Variants in LHPP observed in about 807,000 individuals in gnomAD.
LHPP encodes phospholysine phosphohistidine inorganic pyrophosphate phosphatase, also known as hLHPP.
A neutral mutation model predicts 30.3 loss-of-function variants in LHPP; 24 were observed. The observed-to-expected ratio is 0.79, with a 90% CI of 0.57 to 1.11. The LOEUF (loss-of-function observed/expected upper bound fraction) is 1.11. LHPP is among the 50% of genes most tolerant of loss of function. LHPP has a pLI of 0.00. For missense variants in LHPP, 356 were observed against 367.2 expected (o/e 0.97, Z 0.25); for synonymous variants, 150 against 157.1 (o/e 0.95, Z 0.34).
chr10:124,481,300 T>C (rs1445104257), intron 1 of LHPP, among the ~76,000 whole-genome samples: 1 of 151,640 alleles, frequency 6.6e-6, no homozygotes, highest in Non-Finnish European at 1.5e-5. Context: ...TTGTAGTAGC[T>C]GTCACTACCA....
chr10:124,511,052 C>G (rs558939191), intron 5 of LHPP, among the ~76,000 whole-genome samples: 1 of 152,158 alleles, frequency 6.6e-6, no homozygotes, highest in Non-Finnish European at 1.5e-5. Context: ...TTGATAGACT[C>G]GAAAACCTCA....
At chr10:124,584,500 T>G (rs1366354375) in intron 6 of LHPP, among the ~76,000 whole-genome samples, 1 of 152,124 alleles carries the variant, frequency 6.6e-6, no homozygotes, top group Admixed American at 6.6e-5. Flanking sequence ...GCCTCTTGGT[T>G]TGTCCTCACG....
rs1167965592 is a variant in LHPP, at chr10:124,471,601, T to TTA, written c.125+9622_125+9623dup. On this transcript the variant is annotated intron_variant, in intron 1 of 6. Transcript: ENST00000368842. ...TTATATTTATATATTTTTTATATAT[T>TTA]TATATATATTACATATATTTTTATA... is the stretch of plus-strand genomic sequence containing the variant. Among the ~76,000 whole-genome samples, 11 of 60,702 alleles carry TTA rather than the reference T, an allele frequency of 1.8e-4. 1 individual carries two copies. The highest frequency in any genetic ancestry group is 6.9e-4 in the African/African-American group (11 of 15,876). The allele number at this position is 60,702 out of a possible 152,430, so 39.8% of individuals were successfully genotyped here.
rs12219151 is a variant in LHPP, at chr10:124,523,666, G to T, written c.716+6395G>T. On this transcript the variant is annotated intron_variant, in intron 6 of 6. Coordinates refer to ENST00000368842, the MANE Select transcript of LHPP (RefSeq NM_022126.4). This position sits in a 1 kb window ranked among gnomAD's most constrained non-coding sequence, Gnocchi z 4.2. ...GCTAGCAAGCAGGGGGGTCCAGGCTGTGGTGGCCCTGGTCAGCCTTCCAGG... is the reference window on the plus strand; with the variant it reads ...GCTAGCAAGCAGGGGGGTCCAGGCTTTGGTGGCCCTGGTCAGCCTTCCAGG... Among the ~76,000 whole-genome samples the T allele has an allele frequency of 0.16, 24,495 of 152,196 alleles. 2,777 individuals carry two copies. Among genetic ancestry groups the T allele is most frequent in the South Asian group, 0.32 (1,536 of 4,820 alleles).
At chr10:124,599,117 ATCCATCCATCCATG>A (rs1948990203) in intron 6 of LHPP, among the ~76,000 whole-genome samples, 1 of 149,922 alleles carries the variant, frequency 6.7e-6, no homozygotes, top group African/African-American at 2.5e-5. Flanking sequence ...GTCCATTCCC[ATCCATCCATCCATG>A]TCCATCCATC....
chr10:124,480,709 A>G (rs921724514), intron 1 of LHPP, among the ~76,000 whole-genome samples: 1 of 152,264 alleles, frequency 6.6e-6, no homozygotes, highest in African/African-American at 2.4e-5. Flanking sequence ...ATGAAGGGCA[A>G]TTAACCACTA....
intron 6 of LHPP, among the ~76,000 whole-genome samples, chr10:124,577,090 C>T (rs575783774): frequency 6.6e-6 from 1 of 152,340 alleles, no homozygotes; most frequent in South Asian, 2.1e-4. Context: ...CATTGTCATC[C>T]TCATTTCAGA....
intron 6 of LHPP, among the ~76,000 whole-genome samples, chr10:124,518,801 C>A (rs546664927): frequency 1.2e-4 from 18 of 152,336 alleles, no homozygotes; most frequent in African/African-American, 3.1e-4. Flanking sequence ...CAGGTGGGCA[C>A]GAGGGAGGCT....
At chr10:124,509,490 C>T (rs972931103) in intron 5 of LHPP, among the ~76,000 whole-genome samples, 7 of 152,106 alleles carry the variant, frequency 4.6e-5, no homozygotes, top group Admixed American at 3.9e-4. Flanking sequence ...AAGGTGTGTC[C>T]GTTCACCTTC....
chr10:124,613,211 C>A, intron 6 of LHPP, 53 bp from the exon 7 acceptor site: 2 of 1,337,422 alleles, frequency 1.5e-6, no homozygotes, highest in Non-Finnish European at 2.2e-6. Flanking sequence ...GTGGGTGTGG[C>A]TGCAGAGGGG....
intron 5 of LHPP, chr10:124,498,804 C>T (rs1268915051): frequency 4.8e-6 from 2 of 418,770 alleles, no homozygotes; most frequent in Non-Finnish European, 9.3e-6. Context: ...CCTTAACCCC[C>T]TTACTAACCA....
chr10:124,485,475 A>G lies in LHPP; in HGVS notation c.313+1149A>G, dbSNP rs1195944738. Among the ~76,000 whole-genome samples the G allele has an allele frequency of 2.6e-5, 4 of 152,108 alleles. 1 individual carries two copies. The highest frequency in any genetic ancestry group is 1.3e-4 in the Admixed American group (2 of 15,262). On this transcript the variant is annotated intron_variant, in intron 2 of 6. Transcript: ENST00000368842. ...CTGTAATCCTGCATCCGTGTTTTCA[A>G]TAACTAGACCCTTGTTTTCAGACTT... is the stretch of plus-strand genomic sequence containing the variant.
At chr10:124,485,526 G>A (rs1287559018) in intron 2 of LHPP, among the ~76,000 whole-genome samples, 1 of 151,896 alleles carries the variant, frequency 6.6e-6, no homozygotes, top group African/African-American at 2.4e-5. Context: ...AGTCATTGGT[G>A]GATTTTCTGT....
At chr10:124,477,333 G>A (rs1484708211) in intron 1 of LHPP, among the ~76,000 whole-genome samples, 2 of 152,172 alleles carry the variant, frequency 1.3e-5, no homozygotes, top group African/African-American at 4.8e-5. Flanking sequence ...GGAAACTGAG[G>A]CATTGAGCTT....
chr10:124,590,701 G>A lies in LHPP; in HGVS notation c.717-22563G>A, dbSNP rs1352878711. Reference sequence around the variant, plus strand: ...GCTGAGCCCTTGCCAGAGGAGACACGGTGGGCACCAGCCCCAGCGCTGCCA... The same window carrying A: ...GCTGAGCCCTTGCCAGAGGAGACACAGTGGGCACCAGCCCCAGCGCTGCCA... On this transcript the variant is annotated intron_variant, in intron 6 of 6. Transcript: ENST00000368842. The surrounding 1 kb of genome is among the most constrained non-coding windows in gnomAD (Gnocchi z 4.3). 1.3e-5 allele frequency among the ~76,000 whole-genome samples: 2 copies of A among 152,332 alleles called. No individual in the cohort carries two copies. Among genetic ancestry groups the A allele is most frequent in the East Asian group, 1.9e-4 (1 of 5,180 alleles).
rs182945654 is a variant in LHPP at position 124,470,889 on chromosome 10, C to T, written c.125+8902C>T. 2.1e-4 allele frequency among the ~76,000 whole-genome samples: 27 copies of T among 130,868 alleles called. 1 individual carries two copies. The East Asian group carries it at 6.3e-3, about 30-fold the overall frequency. The allele number at this position is 130,868 out of a possible 152,430, so 85.9% of individuals were successfully genotyped here. A position where few individuals can be genotyped will look rare whatever the true frequency, so the allele number is the denominator to read the frequency against. ...GGGGTGTTTGTCGAGAACGTGCTGT[C>T]GTCACCTGTGGTCCCATTTGCTGTC... On this transcript the variant is annotated intron_variant, in intron 1 of 6. Coordinates refer to ENST00000368842, the MANE Select transcript of LHPP (RefSeq NM_022126.4).
rs144572824 is a variant in LHPP at position 124,475,535 on chromosome 10, C to T, written c.126-8604C>T. Among the ~76,000 whole-genome samples the T allele has an allele frequency of 2.8e-3, 419 of 151,768 alleles. 1 individual carries two copies. The highest frequency in any genetic ancestry group is 9.6e-3 in the African/African-American group (399 of 41,490). Reference sequence around the variant, plus strand: ...CAGCCTGGGTGACTGAGTGAGACTCCGTCTCAAAAATAAAATAAAATAAAA... The same window carrying T: ...CAGCCTGGGTGACTGAGTGAGACTCTGTCTCAAAAATAAAATAAAATAAAA... On this transcript the variant is annotated intron_variant, in intron 1 of 6. Transcript: ENST00000368842.
At chr10:124,536,489 G>A (rs981889643) in intron 6 of LHPP, among the ~76,000 whole-genome samples, 19 of 152,308 alleles carry the variant, frequency 1.2e-4, no homozygotes, top group African/African-American at 3.9e-4. Context: ...CCCCCAGCCC[G>A]GTGGGTCAGG....
rs1383120339 is a variant in LHPP at position 124,592,931 on chromosome 10, G to A, written c.717-20333G>A. On this transcript the variant is annotated intron_variant, in intron 6 of 6. Coordinates refer to ENST00000368842, the MANE Select transcript of LHPP (RefSeq NM_022126.4). The surrounding 1 kb of genome is among the most constrained non-coding windows in gnomAD (Gnocchi z 6.2). ...GGGGCGCACCGCCCCAGGCAGGCTG[G>A]CGTCCCGGGGGCCAGAATGAATGGA... 1.3e-5 allele frequency among the ~76,000 whole-genome samples: 2 copies of A among 152,226 alleles called. No individual in the cohort carries two copies. Among genetic ancestry groups the A allele is most frequent in the Non-Finnish European group, 2.9e-5 (2 of 68,028 alleles).
Sources: allele counts gnomAD v4.1 joint callset (sites outside exome capture counted in the v4.1 genomes callset), GRCh38; gene constraint gnomAD v4.1.1; non-coding constraint Gnocchi (gnomAD v3.1); transcripts MANE v1.5; gene names NCBI Gene and HGNC (gene_info 2026-07-23, HGNC 2026-07-21).